The following NOL4L variants were observed in gnomAD, a reference collection of about 807,000 sequenced individuals.
The protein encoded by NOL4L is nucleolar protein 4-like.
In NOL4L, 7 loss-of-function variants were observed where a neutral mutation model predicts 64.5. That is an observed-to-expected ratio of 0.11 (90% CI 0.06 to 0.20). The LOEUF (loss-of-function observed/expected upper bound fraction) is 0.20, where lower values mean the gene tolerates loss of function less well. Among genes scored for constraint, NOL4L ranks in the 10% least tolerant of loss-of-function variants. The pLI is 1.00. For missense variants in NOL4L, 680 were observed against 967.1 expected (o/e 0.70, Z 3.94); for synonymous variants, 413 against 401.0 (o/e 1.03, Z -0.36).
intron 4 of NOL4L, among the ~76,000 whole-genome samples, chr20:32,482,529 A>AGGTGGAGGGAGGAGAGAGAG (rs1396766456): frequency 2.6e-5 from 4 of 152,102 alleles, no homozygotes; most frequent in Non-Finnish European, 4.4e-5. Flanking sequence ...CTTGAAGACA[A>AGGTGGAGGGAGGAGAGAGAG]GGTGGAGGGA....
chr20:32,459,446 C>A (rs1302937810), intron 5 of NOL4L, among the ~76,000 whole-genome samples: 1 of 145,878 alleles, frequency 6.9e-6, no homozygotes, highest in Non-Finnish European at 1.5e-5. Context: ...TGCAATGGGG[C>A]GATCTTGGCT....
intron 1 of NOL4L, among the ~76,000 whole-genome samples, chr20:32,565,528 C>T (rs947595879): frequency 6.6e-6 from 1 of 152,206 alleles, no homozygotes; most frequent in African/African-American, 2.4e-5. Context: ...ACCCCCTGGG[C>T]TCTCTGAACC....
At chr20:32,455,970 C>T (rs6087911) in intron 6 of NOL4L, 148 bp downstream of exon 6, 56 of 832,892 alleles carry the variant, frequency 6.7e-5, no homozygotes, top group Non-Finnish European at 8.0e-5. Flanking sequence ...CACCAGGAAC[C>T]GAACACATAC....
chr20:32,536,531 G>T, intron 1 of NOL4L: 2 of 141,006 alleles, frequency 1.4e-5, no homozygotes, highest in African/African-American at 5.2e-5. Flanking sequence ...CGGCGCAGGC[G>T]CGTGCGCCCC....
At chr20:32,490,114 G>C (rs2016396513) in intron 4 of NOL4L, among the ~76,000 whole-genome samples, 2 of 114,370 alleles carry the variant, frequency 1.7e-5, no homozygotes, top group African/African-American at 6.9e-5. Flanking sequence ...GGGTGACAGA[G>C]AGAGACTCCA....
chr20:32,562,726 G>A (rs1395276539), intron 1 of NOL4L, among the ~76,000 whole-genome samples: 1 of 151,694 alleles, frequency 6.6e-6, no homozygotes, highest in Non-Finnish European at 1.5e-5. Flanking sequence ...GACCTCCACA[G>A]CTTCCCGGCT....
rs1176890170 is a variant in NOL4L, at chr20:32,464,088, C to CT, written c.842-7694dup. On this transcript the variant is annotated intron_variant, in intron 5 of 10. Transcript: ENST00000621426. This position sits in a 1 kb window ranked among gnomAD's most constrained non-coding sequence, Gnocchi z 5.6. ...CGGGGGAGGAGGGGGTGGGAGACTGCTGGAGCCACGGCCCACCATGGCCAG... is the reference window on the plus strand; with the variant it reads ...CGGGGGAGGAGGGGGTGGGAGACTGCTTGGAGCCACGGCCCACCATGGCCAG... Among the ~76,000 whole-genome samples the CT allele has an allele frequency of 6.6e-6, 1 of 152,156 alleles. No individual in the cohort carries two copies. Among genetic ancestry groups the CT allele is most frequent in the African/African-American group, 2.4e-5 (1 of 41,432 alleles).
intron 4 of NOL4L, among the ~76,000 whole-genome samples, chr20:32,481,357 C>G (rs1332330824): frequency 6.6e-6 from 1 of 152,164 alleles, no homozygotes; most frequent in Admixed American, 6.5e-5. Flanking sequence ...GATCTTCCAG[C>G]CAAAAGGAAG....
At chr20:32,473,096 C>T (rs1196695249) in intron 5 of NOL4L, among the ~76,000 whole-genome samples, 1 of 152,208 alleles carries the variant, frequency 6.6e-6, no homozygotes, top group East Asian at 1.9e-4. Context: ...AGATCACGCT[C>T]TCAAAGGGTG....
intron 4 of NOL4L, among the ~76,000 whole-genome samples, chr20:32,484,880 A>G (rs1275637109): frequency 5.9e-5 from 9 of 151,584 alleles, no homozygotes; most frequent in Admixed American, 2.0e-4. Context: ...CCCGAAAAGC[A>G]ACACTCTCAT....
At chr20:32,550,503 T>C (rs893219286) in intron 1 of NOL4L, among the ~76,000 whole-genome samples, 1 of 152,044 alleles carries the variant, frequency 6.6e-6, no homozygotes, top group African/African-American at 2.4e-5. Context: ...CTCAGAACTT[T>C]GGGAGGGCGA....
chr20:32,457,369 C>A (rs1190726569), intron 5 of NOL4L, among the ~76,000 whole-genome samples: 1 of 152,142 alleles, frequency 6.6e-6, no homozygotes, highest in East Asian at 1.9e-4. Flanking sequence ...GTGACCCTGG[C>A]GGCTCCACAC....
At chr20:32,535,515 AC>A in intron 1 of NOL4L, 2 of 905,578 alleles carry the variant, frequency 2.2e-6, no homozygotes, top group Non-Finnish European at 2.6e-6. Flanking sequence ...ACCGAGTCGC[AC>A]CTGCCATCTG....
chr20:32,496,514 G>A (rs1393574095), intron 4 of NOL4L, among the ~76,000 whole-genome samples: 4 of 151,894 alleles, frequency 2.6e-5, no homozygotes, highest in African/African-American at 4.8e-5. Flanking sequence ...TAGGAACCTC[G>A]GAAATGATTT....
intron 5 of NOL4L, among the ~76,000 whole-genome samples, chr20:32,473,743 T>C (rs984415136): frequency 6.6e-6 from 1 of 152,188 alleles, no homozygotes; most frequent in Non-Finnish European, 1.5e-5. Context: ...CCCTCCCACA[T>C]TCCAGGCCTC....
intron 1 of NOL4L, among the ~76,000 whole-genome samples, chr20:32,560,374 G>A (rs62208017): frequency 6.6e-6 from 1 of 152,178 alleles, no homozygotes; most frequent in Non-Finnish European, 1.5e-5. Flanking sequence ...AGGAAACTGA[G>A]GCTCAGAGAG....
intron 1 of NOL4L, chr20:32,548,648 G>A: frequency 3.4e-6 from 1 of 294,530 alleles, no homozygotes; most frequent in Non-Finnish European, 6.8e-6. Context: ...ATTGCCGGGA[G>A]TGAAAATTGG....
intron 5 of NOL4L, among the ~76,000 whole-genome samples, chr20:32,461,736 A>AG (rs2014086822): frequency 6.7e-6 from 1 of 149,932 alleles, no homozygotes; most frequent in Non-Finnish European, 1.5e-5. Context: ...CTAACACAGT[A>AG]GTATTGCAAG....
chr20:32,572,896 C>T (rs977590456), intron 1 of NOL4L, among the ~76,000 whole-genome samples: 3 of 152,208 alleles, frequency 2.0e-5, no homozygotes, highest in African/African-American at 7.2e-5. Flanking sequence ...GACTCCATGT[C>T]CGTAAGGTCT....
Sources: allele counts gnomAD v4.1 joint callset (sites outside exome capture counted in the v4.1 genomes callset), GRCh38; gene constraint gnomAD v4.1.1; non-coding constraint Gnocchi (gnomAD v3.1); transcripts MANE v1.5; gene names NCBI Gene and HGNC (gene_info 2026-07-23, HGNC 2026-07-21).